Variants in HECW2 observed in about 807,000 individuals in gnomAD.
HECW2 encodes HECT, C2 and WW domain containing E3 ubiquitin protein ligase 2, also known as E3 ubiquitin-protein ligase HECW2.
HECW2 carries 61 observed loss-of-function variants against 175.2 expected under a neutral mutation model. That is an observed-to-expected ratio of 0.35 (90% CI 0.28 to 0.43). The LOEUF (loss-of-function observed/expected upper bound fraction) is 0.43, where lower values mean the gene tolerates loss of function less well. Ranked by LOEUF, HECW2 falls within the 20% of genes least tolerant of loss-of-function variation. HECW2 has a pLI of 1.00. For missense variants in HECW2, 1,524 were observed against 2,000.5 expected (o/e 0.76, Z 4.54); for synonymous variants, 671 against 731.0 (o/e 0.92, Z 1.32).
At chr2:196,514,041 G>A (rs1688054495) in intron 1 of HECW2, among the ~76,000 whole-genome samples, 1 of 152,174 alleles carries the variant, frequency 6.6e-6, no homozygotes, top group East Asian at 1.9e-4. Context: ...TGGAGGGGCA[G>A]GAGCCTCGCC....
chr2:196,419,220 G>C (rs565560135), intron 2 of HECW2, among the ~76,000 whole-genome samples: 1 of 152,286 alleles, frequency 6.6e-6, no homozygotes, highest in South Asian at 2.1e-4. Flanking sequence ...TAAGGGAGTA[G>C]GAAAACAGAC....
Position 196,370,439 on chromosome 2 carries a change from G to C in HECW2, c.293-26675C>G, listed in dbSNP as rs1406068162. ...TTATTCTTTCCTCTCTTCTCCTCAA[G>C]TGGAATGCAGGGGTCTCTTTTGGAA... On this transcript the variant is annotated intron_variant, in intron 2 of 28. Transcript: ENST00000644978. Among the ~76,000 whole-genome samples, 3 of 152,152 alleles carry C rather than the reference G, an allele frequency of 2.0e-5. No homozygotes were observed. The East Asian group carries it at 5.8e-4, about 29-fold the overall frequency.
At chr2:196,435,888 GT>G (rs1001583512) in intron 1 of HECW2, among the ~76,000 whole-genome samples, 1 of 152,202 alleles carries the variant, frequency 6.6e-6, no homozygotes, top group African/African-American at 2.4e-5. Flanking sequence ...GCTTGGTCAA[GT>G]TTAGTTATTA....
intron 2 of HECW2, among the ~76,000 whole-genome samples, chr2:196,401,196 AAATATT>A (rs1484365913): frequency 1.3e-5 from 2 of 152,054 alleles, no homozygotes; most frequent in Non-Finnish European, 2.9e-5. Context: ...TTGTAATATC[AAATATT>A]AAGACCAACC....
At chr2:196,378,227 C>CT (rs1694104605) in intron 2 of HECW2, among the ~76,000 whole-genome samples, 1 of 152,134 alleles carries the variant, frequency 6.6e-6, no homozygotes, top group South Asian at 2.1e-4. Flanking sequence ...TTCCCATTGC[C>CT]TAGGGCTGAA....
At chr2:196,226,067 G>T (rs1191091669) in intron 22 of HECW2, among the ~76,000 whole-genome samples, 197 bp from the exon 23 acceptor site, 4 of 152,176 alleles carry the variant, frequency 2.6e-5, no homozygotes, top group African/African-American at 9.7e-5. Flanking sequence ...ACTTGTCCCT[G>T]CCCAAATGTC....
chr2:196,388,786 A>C (rs1694423742), intron 2 of HECW2, among the ~76,000 whole-genome samples: 1 of 152,238 alleles, frequency 6.6e-6, no homozygotes, highest in South Asian at 2.1e-4. Context: ...ATCAAAAGCA[A>C]AATATTGTGG....
At chr2:196,354,187 C>T (rs1328357005) in intron 2 of HECW2, among the ~76,000 whole-genome samples, 1 of 152,220 alleles carries the variant, frequency 6.6e-6, no homozygotes, top group African/African-American at 2.4e-5. Context: ...TAATACACCA[C>T]CATCAGTCAG....
chr2:196,423,973 GT>G (rs112962231), intron 2 of HECW2, among the ~76,000 whole-genome samples: 1 of 151,538 alleles, frequency 6.6e-6, no homozygotes, highest in Non-Finnish European at 1.5e-5. Flanking sequence ...CAGATAATGT[GT>G]TTTTTTTACA....
intron 1 of HECW2, among the ~76,000 whole-genome samples, chr2:196,558,005 T>A (rs1689867669): frequency 6.6e-6 from 1 of 152,318 alleles, no homozygotes; most frequent in East Asian, 1.9e-4. Flanking sequence ...ACTTCACATA[T>A]ATTATTAATA....
At chr2:196,541,728 A>G in intron 1 of HECW2, among the ~76,000 whole-genome samples, 1 of 142,896 alleles carries the variant, frequency 7.0e-6, no homozygotes, top group African/African-American at 2.8e-5. Context: ...AAAACATTTA[A>G]AGGTTTTTTT....
intron 1 of HECW2, among the ~76,000 whole-genome samples, chr2:196,434,633 G>T (rs1263145485): frequency 6.6e-6 from 1 of 152,124 alleles, no homozygotes; most frequent in East Asian, 1.9e-4. Flanking sequence ...ACATAGAATT[G>T]ATCTGATTTT....
intron 2 of HECW2, among the ~76,000 whole-genome samples, chr2:196,396,721 A>G (rs188079069): frequency 2.0e-5 from 3 of 152,322 alleles, no homozygotes; most frequent in Admixed American, 2.0e-4. Flanking sequence ...AAGAATTAGT[A>G]AAGTGGCCTG....
intron 28 of HECW2, 145 bp downstream of exon 28, chr2:196,215,720 A>G: frequency 1.7e-6 from 1 of 592,626 alleles, no homozygotes; most frequent in Non-Finnish European, 2.9e-6. Context: ...CTTCGTTTAG[A>G]AAGGTTATCA....
At chr2:196,363,025 C>T (rs943833930) in intron 2 of HECW2, among the ~76,000 whole-genome samples, 8 of 152,112 alleles carry the variant, frequency 5.3e-5, no homozygotes, top group African/African-American at 1.9e-4. Context: ...TTAACCCAGA[C>T]ACAGTTTGCC....
At chr2:196,586,417 C>T (rs1031679997) in intron 1 of HECW2, 5 of 152,156 alleles carry the variant, frequency 3.3e-5, no homozygotes, top group African/African-American at 7.2e-5. Context: ...TAAAATATTA[C>T]ACGAGCACCT....
intron 14 of HECW2, among the ~76,000 whole-genome samples, chr2:196,281,477 A>G (rs568468482): frequency 6.6e-6 from 1 of 151,950 alleles, no homozygotes; most frequent in East Asian, 1.9e-4. Flanking sequence ...GTCTCTACAA[A>G]ATATTCAAAA....
intron 15 of HECW2, among the ~76,000 whole-genome samples, chr2:196,278,101 C>T (rs1471647040): frequency 3.4e-5 from 3 of 87,378 alleles, no homozygotes; most frequent in Non-Finnish European, 5.1e-5. Context: ...ACATTGTGCA[C>T]GTGTACCCTA....
At chr2:196,204,464 G>A (rs1331703621) in intron 28 of HECW2, among the ~76,000 whole-genome samples, 2 of 152,104 alleles carry the variant, frequency 1.3e-5, no homozygotes, top group Non-Finnish European at 2.9e-5. Flanking sequence ...TTTGAAGAAG[G>A]AAGCTACTAT....
Sources: allele counts gnomAD v4.1 joint callset (sites outside exome capture counted in the v4.1 genomes callset), GRCh38; gene constraint gnomAD v4.1.1; transcripts MANE v1.5; gene names NCBI Gene and HGNC (gene_info 2026-07-23, HGNC 2026-07-21).